The following DENND1B variants were observed in gnomAD, a reference collection of about 807,000 sequenced individuals.
DENND1B encodes the protein DENN domain-containing protein 1B.
In DENND1B, 59 loss-of-function variants were observed where a neutral mutation model predicts 90.1. The observed-to-expected ratio is 0.65, with a 90% CI of 0.53 to 0.81. The LOEUF (loss-of-function observed/expected upper bound fraction) is 0.81, where lower values mean the gene tolerates loss of function less well. Among genes scored for constraint, DENND1B ranks in the 40% least tolerant of loss-of-function variants. The pLI is 0.00. For missense variants in DENND1B, 862 were observed against 912.6 expected (o/e 0.94, Z 0.71); for synonymous variants, 337 against 324.6 (o/e 1.04, Z -0.41).
intron 3 of DENND1B, among the ~76,000 whole-genome samples, chr1:197,714,127 C>T (rs897195083): frequency 2.0e-5 from 3 of 150,830 alleles, no homozygotes; most frequent in East Asian, 2.0e-4. Flanking sequence ...CAGGCGCACG[C>T]CACCACACAC....
chr1:197,613,569 G>C (rs890486773), intron 11 of DENND1B, among the ~76,000 whole-genome samples: 2 of 150,734 alleles, frequency 1.3e-5, no homozygotes, highest in Non-Finnish European at 3.0e-5. Context: ...GAAACAGGAG[G>C]AACAAATGTG....
intron 10 of DENND1B, among the ~76,000 whole-genome samples, chr1:197,628,394 T>C (rs561959949): frequency 1.3e-5 from 2 of 152,246 alleles, no homozygotes; most frequent in Admixed American, 6.5e-5. Context: ...TATCTGATCT[T>C]TGACAAACCT....
chr1:197,617,847 A>G, intron 10 of DENND1B, 88 bp from the exon 11 acceptor site: 1 of 844,504 alleles, frequency 1.2e-6, no homozygotes, highest in East Asian at 2.5e-5. Context: ...ATGAACAGTA[A>G]TCACAGAACA....
intron 4 of DENND1B, 34 bp from the exon 5 acceptor site, chr1:197,672,190 T>C: frequency 6.4e-7 from 1 of 1,551,626 alleles, no homozygotes; most frequent in South Asian, 1.2e-5. Context: ...ACATTGTGCC[T>C]TGTTTGACAA....
At chr1:197,590,709 T>C (rs1675122381) in intron 14 of DENND1B, among the ~76,000 whole-genome samples, 1 of 152,184 alleles carries the variant, frequency 6.6e-6, no homozygotes. Flanking sequence ...TATAGGGATA[T>C]GCAAATCATC....
intron 2 of DENND1B, chr1:197,734,366 G>A (rs1468321478): frequency 2.0e-6 from 2 of 978,904 alleles, no homozygotes; most frequent in Non-Finnish European, 2.4e-6. Flanking sequence ...AGTTATGGTT[G>A]AGTTCATGAA....
At chr1:197,604,656 C>A (rs548863152) in intron 13 of DENND1B, among the ~76,000 whole-genome samples, 4 of 151,220 alleles carry the variant, frequency 2.6e-5, no homozygotes, top group Non-Finnish European at 5.9e-5. Flanking sequence ...CCAATTAAAT[C>A]TCAGTTAACC....
At position 197,546,760 on chromosome 1, in the gene DENND1B, T is replaced by G. The variant is rs1415009024; in HGVS notation, c.1254A>C (p.Ser418=). 1.9e-5 allele frequency: 29 copies of G among 1,546,000 alleles called. No individual in the cohort carries two copies. Among genetic ancestry groups the G allele is most frequent in the Non-Finnish European group, 2.3e-5 (26 of 1,145,782 alleles). The change falls in exon 17 of 23, where the codon TCA becomes TCC. Residue 418 remains serine, a synonymous_variant. Transcript: ENST00000620048. The stretch of plus-strand genomic sequence containing the variant: ...TGACTGTATGCACCCATTGTTGATA[T>G]GACCTCGGGTTCCCTGGAATATATA... ...SGGFCGGNPR[S]YQQWVHTVKK...
intron 2 of DENND1B, among the ~76,000 whole-genome samples, chr1:197,765,326 T>C (rs1655571449): frequency 6.6e-6 from 1 of 152,228 alleles, no homozygotes; most frequent in Non-Finnish European, 1.5e-5. Context: ...GAAGTATTAT[T>C]TTGGAAATGA....
intron 2 of DENND1B, among the ~76,000 whole-genome samples, chr1:197,741,303 C>T (rs1414314677): frequency 6.6e-6 from 1 of 152,120 alleles, no homozygotes; most frequent in Non-Finnish European, 1.5e-5. Flanking sequence ...ATCATCACTT[C>T]CAACTCAACC....
intron 3 of DENND1B, among the ~76,000 whole-genome samples, chr1:197,702,116 G>A (rs1234796514): frequency 3.9e-5 from 6 of 152,118 alleles, no homozygotes; most frequent in Non-Finnish European, 7.4e-5. Context: ...AACTTCTAGA[G>A]AGAAATGTAC....
intron 3 of DENND1B, chr1:197,685,793 T>C (rs937596792): frequency 6.6e-6 from 1 of 152,148 alleles, no homozygotes; most frequent in African/African-American, 2.4e-5. Context: ...TGAGTGTTTC[T>C]TGAAATTCCA....
intron 3 of DENND1B, among the ~76,000 whole-genome samples, chr1:197,682,827 T>C (rs534969433): frequency 6.6e-6 from 1 of 152,278 alleles, no homozygotes; most frequent in Non-Finnish European, 1.5e-5. Context: ...TAAGACAAAC[T>C]GGATTGAGAA....
At chr1:197,651,283 A>C (rs1045590838) in intron 7 of DENND1B, among the ~76,000 whole-genome samples, 76 of 152,266 alleles carry the variant, frequency 5.0e-4, no homozygotes, top group African/African-American at 1.6e-3. Context: ...TAAAAAATCC[A>C]TATTTTATGA....
intron 3 of DENND1B, among the ~76,000 whole-genome samples, chr1:197,702,862 G>A (rs1421377229): frequency 1.3e-5 from 2 of 152,134 alleles, no homozygotes; most frequent in African/African-American, 4.8e-5. Flanking sequence ...ATAATACTAT[G>A]AGTGTTTAAG....
chr1:197,651,749 G>A (rs1653218775), intron 7 of DENND1B, among the ~76,000 whole-genome samples: 1 of 143,470 alleles, frequency 7.0e-6, no homozygotes, highest in Non-Finnish European at 1.5e-5. Context: ...TCCGCCTCCC[G>A]GGTTCACGCC....
At chr1:197,521,772 T>C (rs113628266) in intron 20 of DENND1B, among the ~76,000 whole-genome samples, 25 of 152,194 alleles carry the variant, frequency 1.6e-4, no homozygotes, top group African/African-American at 5.8e-4. Flanking sequence ...GTTAAAAGAC[T>C]TACCCATGAT....
intron 7 of DENND1B, among the ~76,000 whole-genome samples, chr1:197,649,052 T>C (rs930332671): frequency 1.3e-5 from 2 of 152,100 alleles, no homozygotes; most frequent in African/African-American, 4.8e-5. Context: ...CTGCATTAAG[T>C]TGTATGACAA....
chr1:197,595,214 G>C lies in DENND1B; in HGVS notation c.1041C>G (p.Tyr347Ter). 6.2e-7 allele frequency: 1 copy of C among 1,611,204 alleles called. No individual in the cohort carries two copies. The highest frequency in any genetic ancestry group is 1.1e-5 in the South Asian group (1 of 90,660). The change falls in exon 14 of 23, where the codon TAC becomes TAG. Residue 347 changes from tyrosine (Y) to a stop codon, truncating the protein, a stop_gained. Coordinates refer to ENST00000620048, the MANE Select transcript of DENND1B (RefSeq NM_001195215.2). LOFTEE classifies it high-confidence loss of function. ...LFGSYRDALRYKPGEPITFCE... is the reference protein window; with the variant it reads ...LFGSYRDALR ...GATGAAACAAAACGCTTACAGGTTT[G>C]TATCTCAGTGCATCTCTGTAGGATC... is the stretch of plus-strand genomic sequence containing the variant.
Sources: allele counts gnomAD v4.1 joint callset (sites outside exome capture counted in the v4.1 genomes callset), GRCh38; gene constraint gnomAD v4.1.1; transcripts MANE v1.5; gene names NCBI Gene and HGNC (gene_info 2026-07-23, HGNC 2026-07-21).